The following RALB variants were observed in gnomAD, a reference collection of about 807,000 sequenced individuals.
RALB encodes the protein ras-related protein Ral-B.
Under a neutral mutation model 21.3 loss-of-function variants are expected in RALB, and 16 were observed. The ratio of observed to expected loss-of-function variants is 0.75; its 90% CI spans 0.51 to 1.14. The LOEUF is 1.14. Ranked by LOEUF, RALB falls within the 50% of genes most tolerant of loss-of-function variation. The pLI is 0.00. For synonymous variants in RALB, 93 were observed against 96.1 expected, an observed-to-expected ratio of 0.97 and a Z score of 0.19; for missense variants, 161 against 256.2, an observed-to-expected ratio of 0.63 and a Z score of 2.54.
At chr2:120,280,397 C>T (rs1689959561) in intron 2 of RALB, among the ~76,000 whole-genome samples, 1 of 152,134 alleles carries the variant, frequency 6.6e-6, no homozygotes, top group Non-Finnish European at 1.5e-5. Context: ...AGTTCATGTC[C>T]TTTGCAGGGA....
intron 1 of RALB, among the ~76,000 whole-genome samples, chr2:120,246,033 C>A (rs973669762): frequency 3.9e-5 from 6 of 152,230 alleles, no homozygotes; most frequent in Non-Finnish European, 8.8e-5. Context: ...CCTTTTACCC[C>A]CCGACACCAC....
In RALB at chr2:120,278,693, G is replaced by A; in HGVS notation, c.29G>A (p.Ser10Asn). MAANKSKGQ[S>N]SLALHKVIMV... ...GCTGCCAACAAGAGTAAGGGCCAGAGCTCCTTGGCCCTCCACAAGGTGATC... is the reference window on the plus strand; with the variant it reads ...GCTGCCAACAAGAGTAAGGGCCAGAACTCCTTGGCCCTCCACAAGGTGATC... The change falls in exon 2 of 5, where the codon AGC becomes AAC. Residue 10 changes from serine to asparagine, a missense_variant. Coordinates refer to ENST00000272519, the MANE Select transcript of RALB (RefSeq NM_002881.3). 6.2e-7 allele frequency: 1 copy of A among 1,600,072 alleles called. No individual in the cohort carries two copies. The highest frequency in any genetic ancestry group is 8.5e-7 in the Non-Finnish European group (1 of 1,172,636).
At chr2:120,249,223 T>C (rs939436663), upstream of RALB, among the ~76,000 whole-genome samples, 4 of 151,988 alleles carry the variant, frequency 2.6e-5, no homozygotes, top group African/African-American at 9.7e-5. Context: ...TTAGTAGAGA[T>C]GGGGTTTCAC....
chr2:120,260,475 G>C (rs538454399), intron 1 of RALB, among the ~76,000 whole-genome samples: 1 of 152,272 alleles, frequency 6.6e-6, no homozygotes, highest in Admixed American at 6.5e-5. Context: ...CCAGGAGAGC[G>C]GTCAGGGCTG....
intron 1 of RALB, 65 bp downstream of exon 1, chr2:120,253,045 G>A: frequency 6.6e-6 from 6 of 908,396 alleles, no homozygotes; most frequent in Non-Finnish European, 7.9e-6. Context: ...GGGGTACGCC[G>A]CACGCCCGCA....
chr2:120,259,662 C>T (rs1403824423), intron 1 of RALB, among the ~76,000 whole-genome samples: 5 of 152,284 alleles, frequency 3.3e-5, no homozygotes, highest in African/African-American at 1.2e-4. Context: ...ACGTCCCCAC[C>T]AGACTCAGGA....
At chr2:120,278,107 T>C (rs1169944617) in intron 1 of RALB, among the ~76,000 whole-genome samples, 4 of 147,146 alleles carry the variant, frequency 2.7e-5, no homozygotes, top group African/African-American at 7.6e-5. Flanking sequence ...GTGAGTGTGT[T>C]AGTGACCGTT....
chr2:120,265,918 G>A (rs1393877379), intron 1 of RALB, among the ~76,000 whole-genome samples: 1 of 152,196 alleles, frequency 6.6e-6, no homozygotes, highest in Non-Finnish European at 1.5e-5. Context: ...ATGTCTCCAC[G>A]GCTGCCTCTT....
chr2:120,275,871 C>T (rs1019244595), intron 1 of RALB, among the ~76,000 whole-genome samples: 3 of 152,138 alleles, frequency 2.0e-5, no homozygotes, highest in Admixed American at 6.5e-5. Context: ...AGAAAGAGAA[C>T]GGTTCTCTGC....
intron 2 of RALB, among the ~76,000 whole-genome samples, chr2:120,280,642 A>G (rs953902457): frequency 1.3e-5 from 2 of 152,088 alleles, no homozygotes; most frequent in African/African-American, 4.8e-5. Flanking sequence ...AGGTGCAGCA[A>G]ACCACCATGG....
chr2:120,294,357 T>C lies in RALB; in HGVS notation c.*1097T>C. ...CCCTTTGCCTCTGAGAATTGGCTGCTGTTTCTAATATAATTATTTTCTAAG... is the reference window on the plus strand; with the variant it reads ...CCCTTTGCCTCTGAGAATTGGCTGCCGTTTCTAATATAATTATTTTCTAAG... On this transcript the variant is annotated 3_prime_UTR_variant, in exon 5 of 5. Transcript: ENST00000272519. 1 of 398,818 alleles carries C rather than the reference T, an allele frequency of 2.5e-6. No individual in the cohort carries two copies. Among genetic ancestry groups the C allele is most frequent in the Non-Finnish European group, 4.4e-6 (1 of 226,050 alleles). 24.7% of individuals were successfully genotyped at this position (398,818 alleles called of 1,614,324 possible).
At chr2:120,278,439 T>G (rs891119500) in intron 1 of RALB, among the ~76,000 whole-genome samples, 179 bp from the exon 2 acceptor site, 1 of 152,212 alleles carries the variant, frequency 6.6e-6, no homozygotes, top group South Asian at 2.1e-4. Flanking sequence ...CCAGCTGTGC[T>G]GGGGTAAGTG....
intron 3 of RALB, among the ~76,000 whole-genome samples, chr2:120,288,342 G>GTTTTTTTTTATTTTT (rs1690218470): frequency 8.5e-6 from 1 of 117,090 alleles, no homozygotes; most frequent in Non-Finnish European, 1.7e-5. Context: ...GAAAATTTTA[G>GTTTTTTTTTATTTTT]TTTTTTTTTT....
intron 2 of RALB, chr2:120,280,999 A>G (rs528864240): frequency 3.0e-4 from 96 of 318,884 alleles, no homozygotes; most frequent in Non-Finnish European, 5.0e-4. Context: ...TTATTACTGT[A>G]TAATAATCAC....
chr2:120,283,408 A>C (rs543416058), intron 2 of RALB, among the ~76,000 whole-genome samples: 3 of 152,328 alleles, frequency 2.0e-5, no homozygotes, highest in African/African-American at 7.2e-5. Flanking sequence ...AGTCTCCTGC[A>C]CCATTCAGAC....
intron 1 of RALB, among the ~76,000 whole-genome samples, chr2:120,261,033 C>T (rs922353241): frequency 2.0e-5 from 3 of 152,164 alleles, no homozygotes; most frequent in African/African-American, 7.2e-5. Flanking sequence ...GGCTCCACTC[C>T]AGACCTACTG....
At chr2:120,255,606 T>C (rs1689181840) in intron 1 of RALB, among the ~76,000 whole-genome samples, 1 of 152,154 alleles carries the variant, frequency 6.6e-6, no homozygotes, top group Admixed American at 6.5e-5. Context: ...GAGTCTTGGA[T>C]AGGTGACAGT....
rs772797194 is a variant in RALB at position 120,285,860 on chromosome 2, G to A, written c.115-14G>A. ...TAAGACTTTGTTAATTACCGATAATGTTTATTTCCTCAGTTTGTAGAAGAC... is the reference window on the plus strand; with the variant it reads ...TAAGACTTTGTTAATTACCGATAATATTTATTTCCTCAGTTTGTAGAAGAC... On this transcript the variant is annotated splice_polypyrimidine_tract_variant and intron_variant, in intron 2 of 4. Coordinates refer to ENST00000272519, the MANE Select transcript of RALB (RefSeq NM_002881.3). The A allele has an allele frequency of 2.5e-6, 4 of 1,606,488 alleles. No homozygotes were observed. Among genetic ancestry groups the A allele is most frequent in the South Asian group, 1.1e-5 (1 of 90,874 alleles).
intron 1 of RALB, among the ~76,000 whole-genome samples, chr2:120,254,281 G>C (rs953511550): frequency 7.9e-5 from 12 of 152,156 alleles, no homozygotes; most frequent in African/African-American, 2.2e-4. Context: ...AAATAGGAGC[G>C]GGGGAGAAGA....
Sources: allele counts gnomAD v4.1 joint callset (sites outside exome capture counted in the v4.1 genomes callset), GRCh38; gene constraint gnomAD v4.1.1; transcripts MANE v1.5; gene names NCBI Gene and HGNC (gene_info 2026-07-23, HGNC 2026-07-21).